The following STK3 variants were observed in gnomAD, a reference collection of about 807,000 sequenced individuals.
STK3 encodes serine/threonine kinase 3.
In STK3, 41 loss-of-function variants were observed where a neutral mutation model predicts 58.0. That is an observed-to-expected ratio of 0.71 (90% CI 0.55 to 0.92). STK3 has a LOEUF of 0.92. STK3 is among the 40% of genes least tolerant of loss of function. STK3 has a pLI of 0.00. For missense variants in STK3, 479 were observed against 602.7 expected (o/e 0.79, Z 2.15); for synonymous variants, 170 against 191.0 (o/e 0.89, Z 0.91).
At chr8:98,409,693 A>G (rs1818034642) in intron 3 of STK3, among the ~76,000 whole-genome samples, 1 of 152,246 alleles carries the variant, frequency 6.6e-6, no homozygotes, top group South Asian at 2.1e-4. Flanking sequence ...GTGTCAAACC[A>G]TGTGTTTCCA....
chr8:98,666,586 A>G (rs186504744), intron 6 of STK3, among the ~76,000 whole-genome samples: 1 of 152,228 alleles, frequency 6.6e-6, no homozygotes, highest in African/African-American at 2.4e-5. Flanking sequence ...CTTTAAAAGT[A>G]AACCAAAATT....
rs563809128 is a variant in STK3, at chr8:98,743,803, A to G, written c.351+5473T>C. Among the ~76,000 whole-genome samples the G allele has an allele frequency of 3.3e-5, 5 of 152,070 alleles. No homozygotes were observed. In the South Asian group the frequency reaches 1.0e-3, roughly 32 times the overall value. On this transcript the variant is annotated intron_variant, in intron 4 of 10. Coordinates refer to ENST00000419617, the MANE Select transcript of STK3 (RefSeq NM_006281.4). ...TACCATCAGAGTGAACAGGCAACCTACAAAATGGGAGAAAATTTTCGCAAC... is the reference window on the plus strand; with the variant it reads ...TACCATCAGAGTGAACAGGCAACCTGCAAAATGGGAGAAAATTTTCGCAAC...
At chr8:98,645,853 G>T (rs963119631) in intron 6 of STK3, among the ~76,000 whole-genome samples, 2 of 151,814 alleles carry the variant, frequency 1.3e-5, no homozygotes, top group Non-Finnish European at 2.9e-5. Flanking sequence ...TATAGATATC[G>T]AGTAGAGACA....
intron 7 of STK3, among the ~76,000 whole-genome samples, chr8:98,584,015 T>C (rs1814194272): frequency 1.3e-5 from 2 of 152,316 alleles, no homozygotes; most frequent in East Asian, 3.9e-4. Flanking sequence ...TTTAAAAAAG[T>C]ATGTCTTTTA....
chr8:98,686,840 T>C (rs73277807), intron 6 of STK3, among the ~76,000 whole-genome samples: 2,713 of 152,108 alleles, frequency 0.018, 77 homozygotes, highest in African/African-American at 0.062. Context: ...ATTTCAGAGA[T>C]TGAAGATCAG....
intron 3 of STK3, among the ~76,000 whole-genome samples, chr8:98,848,510 A>T (rs1836301301): frequency 6.6e-6 from 1 of 152,144 alleles, no homozygotes; most frequent in Non-Finnish European, 1.5e-5. Flanking sequence ...CGGCCTTTCA[A>T]AGTGCTGGGA....
At chr8:98,837,317 T>A (rs1289401636) in intron 3 of STK3, among the ~76,000 whole-genome samples, 1 of 149,704 alleles carries the variant, frequency 6.7e-6, no homozygotes, top group African/African-American at 2.5e-5. Flanking sequence ...AGTTCTATCA[T>A]TCAGAAAAGT....
chr8:98,802,276 G>C (rs1266934245), intron 1 of STK3, among the ~76,000 whole-genome samples: 1 of 152,162 alleles, frequency 6.6e-6, no homozygotes, highest in African/African-American at 2.4e-5. Flanking sequence ...GTATAGAATA[G>C]TCTCCATTTT....
chr8:98,883,641 C>A (rs1241770424), downstream of STK3: 1 of 702,904 alleles, frequency 1.4e-6, no homozygotes, highest in South Asian at 1.5e-5. Context: ...CCAGGCATTT[C>A]TTTACCTGTC....
intron 9 of STK3, among the ~76,000 whole-genome samples, chr8:98,542,003 T>C (rs7016626): frequency 0.38 from 57,063 of 151,926 alleles, 11,206 homozygotes; most frequent in Admixed American, 0.5. Context: ...TATACTGGTT[T>C]CATCACTTAC....
chr8:98,512,022 C>A (rs1246386535), intron 10 of STK3, among the ~76,000 whole-genome samples: 1 of 151,746 alleles, frequency 6.6e-6, no homozygotes, highest in Admixed American at 6.6e-5. Context: ...GCACAATGTG[C>A]AGGTTTGTTA....
At chr8:98,789,716 T>C (rs1587626900) in intron 1 of STK3, among the ~76,000 whole-genome samples, 1 of 152,028 alleles carries the variant, frequency 6.6e-6, no homozygotes, top group African/African-American at 2.4e-5. Context: ...AAGAATTAGA[T>C]ACCCTGAACA....
At chr8:98,868,422 G>A (rs1168836910) in intron 3 of STK3, among the ~76,000 whole-genome samples, 1 of 152,192 alleles carries the variant, frequency 6.6e-6, no homozygotes, top group Non-Finnish European at 1.5e-5. Context: ...TGTTTCTTAG[G>A]TGTGTGGCCC....
intron 6 of STK3, among the ~76,000 whole-genome samples, chr8:98,672,259 T>C (rs1219857172): frequency 1.3e-5 from 1 of 74,310 alleles, no homozygotes; most frequent in Non-Finnish European, 2.6e-5. Flanking sequence ...GCGGTGGGTG[T>C]GGGGGGTTAG....
intron 2 of STK3, among the ~76,000 whole-genome samples, chr8:98,774,442 C>A (rs1287461038): frequency 6.6e-6 from 1 of 152,142 alleles, no homozygotes; most frequent in African/African-American, 2.4e-5. Context: ...TCAAAACCTT[C>A]AAACGTATTA....
chr8:98,633,876 A>G, intron 6 of STK3: 1 of 363,070 alleles, frequency 2.8e-6, no homozygotes. Flanking sequence ...GGCCTGAAGA[A>G]ATAAAGTAAA....
chr8:98,374,688 T>G (rs1563586808), intron 2 of STK3, among the ~76,000 whole-genome samples: 1 of 152,178 alleles, frequency 6.6e-6, no homozygotes, highest in Non-Finnish European at 1.5e-5. Flanking sequence ...AACTAAACCT[T>G]CTCCTAGAAT....
intron 4 of STK3, among the ~76,000 whole-genome samples, chr8:98,715,115 T>A (rs1826888890): frequency 1.3e-5 from 2 of 151,644 alleles, no homozygotes; most frequent in Non-Finnish European, 2.9e-5. Flanking sequence ...TCCTTACACC[T>A]TATACAAAAA....
In STK3 at chr8:98,521,217, C is replaced by G. The variant is rs188301751; in HGVS notation, c.1317+5525G>C. 1.5e-4 allele frequency among the ~76,000 whole-genome samples: 23 copies of G among 152,182 alleles called. No homozygotes were observed. In the East Asian group the frequency reaches 4.3e-3, roughly 28 times the overall value. ...AATTCCCTTTTTAAGGCTATCTGCC[C>G]TATATAAGTCAAAAATAAATAACTC... is the stretch of plus-strand genomic sequence containing the variant. On this transcript the variant is annotated intron_variant, in intron 10 of 10. Transcript: ENST00000419617.
Sources: allele counts gnomAD v4.1 joint callset (sites outside exome capture counted in the v4.1 genomes callset), GRCh38; gene constraint gnomAD v4.1.1; transcripts MANE v1.5; gene names NCBI Gene and HGNC (gene_info 2026-07-23, HGNC 2026-07-21).